The following DRD2 variants were observed in gnomAD, a reference collection of about 807,000 sequenced individuals.
DRD2 encodes dopamine receptor D2.
Under a neutral mutation model 38.0 loss-of-function variants are expected in DRD2, and 8 were observed. The observed-to-expected ratio is 0.21, with a 90% CI of 0.12 to 0.38. The LOEUF is 0.38. Ranked by LOEUF, DRD2 falls within the 10% of genes least tolerant of loss-of-function variation. DRD2 has a pLI of 1.00. For synonymous variants in DRD2, 230 were observed against 238.6 expected (o/e 0.96, Z 0.33); for missense variants, 403 against 607.7 (o/e 0.66, Z 3.54).
At chr11:113,456,741 AGAGAGAGTAACATG>A (rs1045798652) in intron 1 of DRD2, among the ~76,000 whole-genome samples, 19 of 152,214 alleles carry the variant, frequency 1.2e-4, no homozygotes, top group Non-Finnish European at 2.4e-4. Context: ...CAGAGGCTGC[AGAGAGAGTAACATG>A]GAGAATTCGT....
At chr11:113,417,104 G>T in intron 3 of DRD2, 105 bp from the exon 4 acceptor site, 1 of 1,474,586 alleles carries the variant, frequency 6.8e-7, no homozygotes, top group Non-Finnish European at 9.1e-7. Flanking sequence ...CTAAACAGTT[G>T]ACACACCTCT....
Position 113,424,352 on chromosome 11 carries a change from A to G in DRD2, c.285+15T>C, listed in dbSNP as rs199841276. ...TGCTGGAGAAAGTGCTGGAGCAAGC[A>G]GGGGGCCCACCTACCTCCAGGTAGA... On this transcript the variant is annotated intron_variant, in intron 2 of 7. Transcript: ENST00000362072. The G allele has an allele frequency of 6.2e-7, 1 of 1,605,586 alleles. No individual in the cohort carries two copies. Among genetic ancestry groups the G allele is most frequent in the Non-Finnish European group, 8.5e-7 (1 of 1,173,954 alleles).
rs140638952 is a variant in DRD2, at chr11:113,415,481, C to T, written c.663G>A (p.Lys221=). The T allele has an allele frequency of 1.2e-5, 20 of 1,614,042 alleles. No individual in the cohort carries two copies. The highest frequency in any genetic ancestry group is 2.7e-5 in the African/African-American group (2 of 74,916). The change falls in exon 5 of 8, where the codon AAG becomes AAA. Residue 221 remains lysine, a synonymous_variant. Transcript: ENST00000362072. ...GGCTGCTGCGTTTGGTGTTGACTCG[C>T]TTGCGGCGTCTGCGGAGGACAATGT... ...KIYIVLRRRR[K]RVNTKRSSRA...
chr11:113,455,923 A>G (rs768471874), intron 1 of DRD2, among the ~76,000 whole-genome samples: 1 of 152,246 alleles, frequency 6.6e-6, no homozygotes, highest in Non-Finnish European at 1.5e-5. Flanking sequence ...TAATCCAGCA[A>G]TCTTACATCT....
intron 1 of DRD2, among the ~76,000 whole-genome samples, chr11:113,456,754 T>A (rs1366855467): frequency 6.6e-6 from 1 of 152,058 alleles, no homozygotes; most frequent in African/African-American, 2.4e-5. Context: ...GAGAGTAACA[T>A]GGAGAATTCG....
intron 1 of DRD2, among the ~76,000 whole-genome samples, chr11:113,438,990 CT>C (rs2119845682): frequency 6.6e-6 from 1 of 152,254 alleles, no homozygotes; most frequent in East Asian, 1.9e-4. Flanking sequence ...GCTGTCAGAC[CT>C]AATTTCAGAG....
At chr11:113,463,643 G>A (rs1360785786) in intron 1 of DRD2, among the ~76,000 whole-genome samples, 6 of 152,252 alleles carry the variant, frequency 3.9e-5, no homozygotes, top group Admixed American at 6.5e-5. Flanking sequence ...GTGTGCATGC[G>A]TGTTTGCGGG....
At chr11:113,431,297 C>T (rs1035309095) in intron 1 of DRD2, among the ~76,000 whole-genome samples, 1 of 152,218 alleles carries the variant, frequency 6.6e-6, no homozygotes, top group African/African-American at 2.4e-5. Context: ...CCCTAAGGCA[C>T]CTTTCTGTGC....
intron 2 of DRD2, among the ~76,000 whole-genome samples, chr11:113,422,737 G>A (rs1950897437): frequency 6.6e-6 from 1 of 152,172 alleles, no homozygotes; most frequent in African/African-American, 2.4e-5. Flanking sequence ...TGGGCCCGGG[G>A]TGGTGGTGAG....
intron 5 of DRD2, chr11:113,415,192 TCCC>T: frequency 4.6e-6 from 2 of 436,910 alleles, no homozygotes; most frequent in Admixed American, 4.0e-5. Context: ...AGCAAAGACT[TCCC>T]CTTGTTATTT....
intron 1 of DRD2, among the ~76,000 whole-genome samples, chr11:113,431,227 G>A (rs1183351692): frequency 6.6e-6 from 1 of 152,224 alleles, no homozygotes; most frequent in African/African-American, 2.4e-5. Flanking sequence ...TTTCCTGGGT[G>A]GAGGATGAAC....
intron 1 of DRD2, among the ~76,000 whole-genome samples, chr11:113,457,095 C>T (rs1401657684): frequency 3.9e-5 from 6 of 152,076 alleles, no homozygotes; most frequent in Non-Finnish European, 7.4e-5. Flanking sequence ...CAAGCAGCTC[C>T]GGAGGCAATG....
At chr11:113,436,899 C>T (rs1468751948) in intron 1 of DRD2, among the ~76,000 whole-genome samples, 1 of 152,186 alleles carries the variant, frequency 6.6e-6, no homozygotes, top group African/African-American at 2.4e-5. Flanking sequence ...GTCTGGCTGC[C>T]AGACTCTCCC....
rs1950749329 is a variant in DRD2 at position 113,409,826 on chromosome 11, A to G, written c.*901T>C. ...CAGGAGAGAGGAAAGGCCAGAAGGA[A>G]TAGAAAAGGAAAGTGGTTTTGCGTC... On this transcript the variant is annotated 3_prime_UTR_variant, in exon 8 of 8. Transcript: ENST00000362072. 6.5e-6 allele frequency: 1 copy of G among 152,976 alleles called. No homozygotes were observed. The highest frequency in any genetic ancestry group is 1.5e-5 in the Non-Finnish European group (1 of 68,412). The allele number at this position is 152,976 out of a possible 1,614,324, so 9.5% of individuals were successfully genotyped here.
rs1308596174 is a variant in DRD2, at chr11:113,424,618, C to T, written c.34G>A (p.Asp12Asn). 1.2e-6 allele frequency: 2 copies of T among 1,614,198 alleles called. No homozygotes were observed. The highest frequency in any genetic ancestry group is 2.2e-5 in the East Asian group (1 of 44,884). ...DPLNLSWYDDDLERQNWSRPF... is the reference protein window; with the variant it reads ...DPLNLSWYDDNLERQNWSRPF... ...CGGCTCCAGTTCTGCCTCTCCAGAT[C>T]ATCATCATACCAGGACAGATTCAGT... Residue 12 changes from aspartate (D) to asparagine (N), a missense_variant, in exon 2 of 8, where the codon GAT becomes AAT. Physicochemically the swap from Asp to Asn is conservative, Grantham distance 23. This residue lies in a region of DRD2 where 162 missense variants were observed against 254.5 expected (regional missense o/e 0.64). Transcript: ENST00000362072.
At chr11:113,466,212 G>A (rs1951367557) in intron 1 of DRD2, among the ~76,000 whole-genome samples, 1 of 152,212 alleles carries the variant, frequency 6.6e-6, no homozygotes, top group Non-Finnish European at 1.5e-5. Context: ...AAAGTGCTTT[G>A]TGGAAAGATA....
At chr11:113,453,084 C>T (rs952878530) in intron 1 of DRD2, among the ~76,000 whole-genome samples, 4 of 152,160 alleles carry the variant, frequency 2.6e-5, no homozygotes, top group African/African-American at 9.7e-5. Flanking sequence ...GGGCAAGTTA[C>T]TTAATCTCCA....
chr11:113,419,181 A>G (rs886951237), intron 2 of DRD2, among the ~76,000 whole-genome samples: 2 of 152,234 alleles, frequency 1.3e-5, no homozygotes, highest in African/African-American at 4.8e-5. Flanking sequence ...TGGTTGGCCC[A>G]GTACATGGCA....
rs150136604 is a variant in DRD2, at chr11:113,419,567, G to T, written c.286-1431C>A. On this transcript the variant is annotated intron_variant, in intron 2 of 7. Transcript: ENST00000362072. ...ACGCAGGCACACACTCACGGCAGCT[G>T]TCCCTAGCGCTCTGGAAGCTTGGAG... Among the ~76,000 whole-genome samples the T allele has an allele frequency of 2.0e-3, 291 of 145,734 alleles. 2 individuals are homozygous for T. The highest frequency in any genetic ancestry group is 7.1e-3 in the African/African-American group (282 of 39,498).
Sources: gnomAD v4.1 joint callset for allele counts (sites outside exome capture counted in the v4.1 genomes callset) on GRCh38, gnomAD v4.1.1 for gene constraint, gnomAD v4.1.1 regional missense constraint, MANE v1.5 for transcripts, NCBI Gene and HGNC (gene_info 2026-07-23, HGNC 2026-07-21) for gene names.